Variants in MLIP observed in about 807,000 individuals in gnomAD.
MLIP encodes the protein muscular LMNA interacting protein.
MLIP carries 79 observed loss-of-function variants against 84.8 expected under a neutral mutation model. That is an observed-to-expected ratio of 0.93 (90% CI 0.78 to 1.12). The LOEUF (loss-of-function observed/expected upper bound fraction) is 1.12, where lower values mean the gene tolerates loss of function less well. Ranked by LOEUF, MLIP falls within the 50% of genes most tolerant of loss-of-function variation. The pLI is 0.00. For synonymous variants in MLIP, 504 were observed against 463.0 expected (o/e 1.09, Z -1.14); for missense variants, 1,257 against 1,160.6 (o/e 1.08, Z -1.21).
intron 1 of MLIP, among the ~76,000 whole-genome samples, chr6:54,054,460 C>T (rs945931397): frequency 2.0e-5 from 3 of 150,794 alleles, no homozygotes; most frequent in Non-Finnish European, 4.4e-5. Flanking sequence ...GACGGGTCTC[C>T]TTGAGATTCA....
chr6:54,252,989 G>A (rs1459000182), intron 12 of MLIP, among the ~76,000 whole-genome samples: 1 of 151,902 alleles, frequency 6.6e-6, no homozygotes, highest in Non-Finnish European at 1.5e-5. Flanking sequence ...TTTACAAGTC[G>A]GAAAACTGTT....
chr6:54,035,665 G>T (rs1764391187), intron 1 of MLIP, among the ~76,000 whole-genome samples: 1 of 151,922 alleles, frequency 6.6e-6, no homozygotes, highest in Non-Finnish European at 1.5e-5. Context: ...ATTTTAATAG[G>T]TGTGTGGTGG....
chr6:54,128,967 A>G (rs1394094003), intron 3 of MLIP, among the ~76,000 whole-genome samples: 1 of 151,950 alleles, frequency 6.6e-6, no homozygotes. Context: ...GAACATGTGG[A>G]GAAGGAGAGT....
intron 5 of MLIP, among the ~76,000 whole-genome samples, chr6:54,159,015 C>G (rs1397877384): frequency 6.6e-6 from 1 of 151,954 alleles, no homozygotes; most frequent in Non-Finnish European, 1.5e-5. Context: ...TGGGCTCATC[C>G]AGCTTCCTGC....
chr6:54,096,276 G>A (rs1768207099), intron 1 of MLIP, among the ~76,000 whole-genome samples: 1 of 152,128 alleles, frequency 6.6e-6, no homozygotes, highest in African/African-American at 2.4e-5. Context: ...TTCAATTGAA[G>A]AGTTCTGTAA....
At chr6:54,143,065 G>A (rs1378054009) in intron 4 of MLIP, among the ~76,000 whole-genome samples, 7 of 151,886 alleles carry the variant, frequency 4.6e-5, no homozygotes, top group African/African-American at 9.7e-5. Context: ...TCTGTCACTC[G>A]GCCTCTATAC....
At chr6:54,041,904 C>G (rs1764765122) in intron 1 of MLIP, among the ~76,000 whole-genome samples, 1 of 152,042 alleles carries the variant, frequency 6.6e-6, no homozygotes, top group Non-Finnish European at 1.5e-5. Context: ...ACCAAATGCT[C>G]ATTATGACAA....
chr6:54,194,145 C>T (rs1297984144), intron 10 of MLIP, among the ~76,000 whole-genome samples: 1 of 152,144 alleles, frequency 6.6e-6, no homozygotes, highest in East Asian at 1.9e-4. Flanking sequence ...AGTGCTTAAA[C>T]TTGCAAATAC....
chr6:54,141,738 A>C (rs1217928308), intron 4 of MLIP, among the ~76,000 whole-genome samples: 1 of 152,108 alleles, frequency 6.6e-6, no homozygotes, highest in Non-Finnish European at 1.5e-5. Context: ...AAAGAATTTA[A>C]ATTTTTATCC....
At position 54,257,361 on chromosome 6, in the gene MLIP, G is replaced by C. The variant is rs866489990; in HGVS notation, c.2976G>C (p.Glu992Asp). ...AACATGAAGCTCTTGATTCCAAAGAGGTAAATGTAAGATAGGACTGGATAT... is the reference window on the plus strand; with the variant it reads ...AACATGAAGCTCTTGATTCCAAAGACGTAAATGTAAGATAGGACTGGATAT... ...IPEHEALDSKEQ is the reference protein window; with the variant it reads ...IPEHEALDSKDQ The change falls in exon 13 of 14, where the codon GAG becomes GAC. Residue 992 changes from glutamate (E) to aspartate (D), a missense_variant and splice_region_variant. Physicochemically the swap from Glu to Asp is conservative, Grantham distance 45. Transcript: ENST00000502396. The C allele has an allele frequency of 1.2e-6, 2 of 1,607,120 alleles. No homozygotes were observed. Among genetic ancestry groups the C allele is most frequent in the Middle Eastern group, 1.7e-4 (1 of 6,034 alleles).
At chr6:54,023,305 A>G (rs1362487015) in intron 1 of MLIP, among the ~76,000 whole-genome samples, 1 of 151,006 alleles carries the variant, frequency 6.6e-6, no homozygotes, top group Non-Finnish European at 1.5e-5. Context: ...TACCTTGAGT[A>G]AAAAAGCAAC....
In MLIP at chr6:54,070,203, C is replaced by G. The variant is rs555455364; in HGVS notation, c.63+51112C>G. ...TTCACTGTGACAGCTGTCCAGCTTA[C>G]CCCGTAAGCCTGTCTGCCTCACTCA... On this transcript the variant is annotated intron_variant, in intron 1 of 12. Transcript: ENST00000274897. Among the ~76,000 whole-genome samples the G allele has an allele frequency of 6.6e-5, 10 of 152,310 alleles. 1 individual carries two copies. The South Asian group carries it at 1.7e-3, about 25-fold the overall frequency.
At chr6:54,193,632 C>A (rs1447672842) in intron 10 of MLIP, among the ~76,000 whole-genome samples, 1 of 152,080 alleles carries the variant, frequency 6.6e-6, no homozygotes, top group Non-Finnish European at 1.5e-5. Context: ...TCACTGGGTA[C>A]CTCCTGTGTC....
intron 1 of MLIP, among the ~76,000 whole-genome samples, chr6:54,058,490 G>A (rs1198155514): frequency 6.6e-6 from 1 of 152,192 alleles, no homozygotes. Context: ...GCACTGATGT[G>A]CTCTATGGCC....
At chr6:54,076,292 A>G (rs754163644) in intron 1 of MLIP, among the ~76,000 whole-genome samples, 26 of 152,196 alleles carry the variant, frequency 1.7e-4, no homozygotes, top group Non-Finnish European at 2.8e-4. Flanking sequence ...CCAAAGAAGC[A>G]TACATCTAAC....
chr6:54,144,562 C>T (rs77188850), intron 4 of MLIP, among the ~76,000 whole-genome samples: 3,921 of 152,262 alleles, frequency 0.026, 166 homozygotes, highest in African/African-American at 0.088. Flanking sequence ...TTTGCCTGTG[C>T]AGTCACAATA....
chr6:54,022,422 G>C (rs1763547220), intron 1 of MLIP, among the ~76,000 whole-genome samples: 1 of 152,138 alleles, frequency 6.6e-6, no homozygotes, highest in Non-Finnish European at 1.5e-5. Flanking sequence ...TGAATTTGTA[G>C]TCTGATTTTA....
chr6:54,251,670 T>C, intron 12 of MLIP, among the ~76,000 whole-genome samples: 1 of 99,044 alleles, frequency 1.0e-5, no homozygotes, highest in Non-Finnish European at 1.8e-5. Flanking sequence ...TAAATATATA[T>C]TATAACATAT....
chr6:54,173,004 T>A (rs940574162), intron 9 of MLIP, among the ~76,000 whole-genome samples: 1 of 151,652 alleles, frequency 6.6e-6, no homozygotes, highest in Non-Finnish European at 1.5e-5. Flanking sequence ...ACTAGCAGGG[T>A]TGGTTAATTT....
Sources: gnomAD v4.1 joint callset for allele counts (sites outside exome capture counted in the v4.1 genomes callset) on GRCh38, gnomAD v4.1.1 for gene constraint, MANE v1.5 for transcripts, NCBI Gene and HGNC (gene_info 2026-07-23, HGNC 2026-07-21) for gene names.